The following CDH18 variants were observed in gnomAD, a reference collection of about 807,000 sequenced individuals.
CDH18 encodes cadherin-18.
Under a neutral mutation model 67.9 loss-of-function variants are expected in CDH18, and 31 were observed. The ratio of observed to expected loss-of-function variants is 0.46; its 90% CI spans 0.34 to 0.62. The LOEUF (loss-of-function observed/expected upper bound fraction) is 0.62. Ranked by LOEUF, CDH18 falls within the 20% of genes least tolerant of loss-of-function variation. The pLI is 0.01. For missense variants in CDH18, 890 were observed against 975.5 expected (o/e 0.91, Z 1.17); for synonymous variants, 362 against 347.2 (o/e 1.04, Z -0.48).
chr5:20,319,394 T>A (rs1389998278), intron 1 of CDH18, among the ~76,000 whole-genome samples: 3 of 152,204 alleles, frequency 2.0e-5, no homozygotes, highest in African/African-American at 7.2e-5. Flanking sequence ...ACTGGACACT[T>A]CTCACACTTC....
At chr5:19,669,772 T>C (rs1758489092) in intron 5 of CDH18, among the ~76,000 whole-genome samples, 1 of 152,200 alleles carries the variant, frequency 6.6e-6, no homozygotes, top group African/African-American at 2.4e-5. Context: ...TACTCATGTA[T>C]TCATTACTCA....
At chr5:20,424,596 A>C (rs967493017) in intron 1 of CDH18, among the ~76,000 whole-genome samples, 2 of 149,992 alleles carry the variant, frequency 1.3e-5, no homozygotes, top group Non-Finnish European at 2.9e-5. Context: ...ACTAAATACA[A>C]AAATTAGCCA....
At chr5:19,960,609 A>ACGTGTATATATATATACACAC (rs1554072050) in intron 2 of CDH18, among the ~76,000 whole-genome samples, 7 of 114,372 alleles carry the variant, frequency 6.1e-5, no homozygotes, top group African/African-American at 4.8e-4. Context: ...ATATACACAC[A>ACGTGTATATATATATACACAC]CGTGTATATA....
intron 1 of CDH18, among the ~76,000 whole-genome samples, chr5:20,382,010 A>T (rs990179117): frequency 6.6e-6 from 1 of 152,158 alleles, no homozygotes; most frequent in Non-Finnish European, 1.5e-5. Context: ...TTGCCAGTCT[A>T]TGTATTTTAA....
chr5:20,298,750 AT>A (rs1747731248), intron 1 of CDH18, among the ~76,000 whole-genome samples: 1 of 152,214 alleles, frequency 6.6e-6, no homozygotes, highest in African/African-American at 2.4e-5. Context: ...AAACAAAAAA[AT>A]AAAATCTAAT....
At chr5:20,066,382 G>T (rs1020050464) in intron 2 of CDH18, among the ~76,000 whole-genome samples, 3 of 151,860 alleles carry the variant, frequency 2.0e-5, no homozygotes, top group African/African-American at 7.3e-5. Context: ...AACATATTTG[G>T]GATGCAAATT....
intron 1 of CDH18, among the ~76,000 whole-genome samples, chr5:20,356,585 T>C (rs1164368109): frequency 6.6e-6 from 1 of 151,978 alleles, no homozygotes; most frequent in Non-Finnish European, 1.5e-5. Flanking sequence ...GATTTTTGTT[T>C]ATCAGATAGG....
intron 9 of CDH18, among the ~76,000 whole-genome samples, chr5:19,527,069 AC>A (rs761436477): frequency 6.6e-6 from 1 of 151,960 alleles, no homozygotes; most frequent in Non-Finnish European, 1.5e-5. Context: ...TTGAATACTT[AC>A]TGTGGGCTGA....
At chr5:20,045,468 T>C (rs2150480342) in intron 2 of CDH18, among the ~76,000 whole-genome samples, 1 of 152,174 alleles carries the variant, frequency 6.6e-6, no homozygotes, top group South Asian at 2.1e-4. Flanking sequence ...TAAAATGGTA[T>C]AATGATGACG....
intron 2 of CDH18, among the ~76,000 whole-genome samples, chr5:19,871,353 C>G (rs1044029424): frequency 2.0e-5 from 3 of 152,100 alleles, no homozygotes; most frequent in Non-Finnish European, 4.4e-5. Context: ...ATATACTATT[C>G]TAAAGTCTAT....
intron 3 of CDH18, among the ~76,000 whole-genome samples, chr5:19,796,023 T>A (rs1035402478): frequency 4.6e-5 from 7 of 151,818 alleles, no homozygotes; most frequent in Non-Finnish European, 1.0e-4. Flanking sequence ...AACAGAACAA[T>A]AAAGTTCACC....
At position 19,640,351 on chromosome 5, in the gene CDH18, G is replaced by GT. The variant is rs1307570867; in HGVS notation, c.644-27751dup. Among the ~76,000 whole-genome samples, 5 of 152,238 alleles carry GT rather than the reference G, an allele frequency of 3.3e-5. No homozygotes were observed. In the East Asian group the frequency reaches 9.7e-4, roughly 29 times the overall value. On this transcript the variant is annotated intron_variant, in intron 5 of 12. Transcript: ENST00000382275. ...TATTATATGTGGGTGAGGAGTAAGTGTAATGATTTGGTATACGATTGAAAT... is the reference window on the plus strand; with the variant it reads ...TATTATATGTGGGTGAGGAGTAAGTGTTAATGATTTGGTATACGATTGAAAT...
At chr5:19,858,566 G>A (rs1043529104) in intron 2 of CDH18, among the ~76,000 whole-genome samples, 2 of 152,158 alleles carry the variant, frequency 1.3e-5, no homozygotes, top group African/African-American at 4.8e-5. Context: ...GGAATCTCTG[G>A]TTATCAGAAC....
Position 20,439,724 on chromosome 5 carries a change from CT to C in CDH18, c.-580+135737del, listed in dbSNP as rs541059784. 1.9e-4 allele frequency among the ~76,000 whole-genome samples: 29 copies of C among 151,776 alleles called. No homozygotes were observed. The South Asian group carries it at 5.2e-3, about 27-fold the overall frequency. On this transcript the variant is annotated intron_variant, in intron 1 of 14. Coordinates refer to the CDH18 transcript ENST00000507958. ...AATATTGTCTGAGGTAAAATCTCCA[CT>C]TTTTTAACAATATAATTTTTAAACG...
At chr5:19,739,736 T>TA (rs1195355190) in intron 4 of CDH18, among the ~76,000 whole-genome samples, 1 of 152,232 alleles carries the variant, frequency 6.6e-6, no homozygotes, top group Non-Finnish European at 1.5e-5. Flanking sequence ...CATGTAGAAT[T>TA]AGAGTGCTGG....
At chr5:20,351,139 C>T (rs1215803885) in intron 1 of CDH18, among the ~76,000 whole-genome samples, 1 of 148,926 alleles carries the variant, frequency 6.7e-6, no homozygotes, top group Admixed American at 6.7e-5. Context: ...CATTTACCTG[C>T]TCCAAACATA....
intron 2 of CDH18, among the ~76,000 whole-genome samples, chr5:20,163,289 T>G (rs1259871333): frequency 6.6e-6 from 1 of 152,082 alleles, no homozygotes; most frequent in Non-Finnish European, 1.5e-5. Context: ...AATTAATTAC[T>G]TAGTATTATC....
chr5:20,114,141 A>G (rs934548197), intron 2 of CDH18, among the ~76,000 whole-genome samples: 6 of 152,258 alleles, frequency 3.9e-5, no homozygotes, highest in Non-Finnish European at 7.3e-5. Context: ...AACATCATCA[A>G]TTAACTTACT....
At chr5:20,434,031 G>T (rs67709269) in intron 1 of CDH18, among the ~76,000 whole-genome samples, 33,494 of 151,922 alleles carry the variant, frequency 0.22, 3,861 homozygotes, top group East Asian at 0.3. Context: ...TAAGCTCCCT[G>T]GTACTAGGAA....
Sources: allele counts gnomAD v4.1 joint callset (sites outside exome capture counted in the v4.1 genomes callset), GRCh38; gene constraint gnomAD v4.1.1; transcripts MANE v1.5; gene names NCBI Gene and HGNC (gene_info 2026-07-23, HGNC 2026-07-21).